Variants in MEGF6 observed in about 807,000 individuals in gnomAD.
MEGF6 encodes multiple EGF like domains 6.
In MEGF6, 184 loss-of-function variants were observed where a neutral mutation model predicts 207.1. That is an observed-to-expected ratio of 0.89 (90% CI 0.79 to 1.00). MEGF6 has a LOEUF of 1.00. Among genes scored for constraint, MEGF6 ranks in the 50% least tolerant of loss-of-function variants. The pLI, the probability that MEGF6 is intolerant of heterozygous loss-of-function variation, is 0.00. For synonymous variants in MEGF6, 1,038 were observed against 910.0 expected (o/e 1.14, Z -2.53); for missense variants, 2,282 against 2,202.9 (o/e 1.04, Z -0.72).
chr1:3,495,980 C>T lies in MEGF6; in HGVS notation c.3781G>A (p.Val1261Met), dbSNP rs1284490578. The change falls in exon 30 of 37, where the codon GTG becomes ATG. Residue 1261 changes from valine (V) to methionine (M), a missense_variant. Coordinates refer to ENST00000356575, the MANE Select transcript of MEGF6 (RefSeq NM_001409.4). The part of the protein sequence containing the change: ...QGRFGPNCTH[V>M]CGCGQGAACD... The stretch of plus-strand genomic sequence containing the variant: ...GCCGCCCCCTGCCCACACCCACACA[C>T]GTGGGTGCAGTTGGGGCCGAAGCGG... 9 of 1,568,538 alleles carry T rather than the reference C, an allele frequency of 5.7e-6. No individual in the cohort carries two copies. The highest frequency in any genetic ancestry group is 2.3e-5 in the South Asian group (2 of 86,708).
chr1:3,568,227 C>T (rs1643402087), intron 4 of MEGF6, among the ~76,000 whole-genome samples: 1 of 152,128 alleles, frequency 6.6e-6, no homozygotes, highest in Non-Finnish European at 1.5e-5. Context: ...GTGAAGTGTG[C>T]AGGACCTGCC....
intron 15 of MEGF6, among the ~76,000 whole-genome samples, 186 bp downstream of exon 15, chr1:3,505,918 ACAGT>A (rs1641096801): frequency 1.3e-5 from 2 of 152,248 alleles, no homozygotes; most frequent in Non-Finnish European, 2.9e-5. Flanking sequence ...GGATGCCAGC[ACAGT>A]CACAGTCGAG....
intron 4 of MEGF6, among the ~76,000 whole-genome samples, chr1:3,550,272 A>G (rs541583250): frequency 1.3e-5 from 2 of 152,314 alleles, no homozygotes; most frequent in South Asian, 2.1e-4. Context: ...AGGGGAGGCC[A>G]CCCGGGTGCC....
Position 3,490,414 on chromosome 1 carries a change from G to A in MEGF6, c.*114C>T. 1 of 1,191,226 alleles carries A rather than the reference G, an allele frequency of 8.4e-7. No individual in the cohort carries two copies. Among genetic ancestry groups the A allele is most frequent in the Non-Finnish European group, 1.2e-6 (1 of 834,550 alleles). The allele number at this position is 1,191,226 out of a possible 1,614,324, so 73.8% of individuals were successfully genotyped here. ...TCCACAGCCCTCCACGGCCCTCAAA[G>A]GAAGGGCAGTACCAGGAGCTCTGGG... On this transcript the variant is annotated 3_prime_UTR_variant, in exon 37 of 37. Transcript: ENST00000356575.
rs1258512036 is a variant in MEGF6 at position 3,494,065 on chromosome 1, C to G, written c.4189G>C (p.Ala1397Pro). Residue 1397 changes from alanine to proline, a missense_variant, in exon 33 of 37, where the codon GCC becomes CCC. Physicochemically the swap from Ala to Pro is conservative, Grantham distance 27. Transcript: ENST00000356575. The part of the protein sequence containing the change: ...CQGLCWCQHG[A>P]PCDPISGRCL... ...CGGCCACTGATGGGGTCGCAGGGGG[C>G]TCCATGTTGACACCAGCACAACCCC... The G allele has an allele frequency of 6.2e-7, 1 of 1,605,006 alleles. No homozygotes were observed. The highest frequency in any genetic ancestry group is 8.5e-7 in the Non-Finnish European group (1 of 1,175,858).
In MEGF6 at chr1:3,573,607, C is replaced by T. The variant is rs1176906965; in HGVS notation, c.481+6218G>A. Among the ~76,000 whole-genome samples, 1 of 152,218 alleles carries T rather than the reference C, an allele frequency of 6.6e-6. No homozygotes were observed. The highest frequency in any genetic ancestry group is 1.5e-5 in the Non-Finnish European group (1 of 68,030). On this transcript the variant is annotated intron_variant, in intron 4 of 36. Coordinates refer to ENST00000356575, the MANE Select transcript of MEGF6 (RefSeq NM_001409.4). This position sits in a 1 kb window ranked among gnomAD's most constrained non-coding sequence, Gnocchi z 5.1. ...GGACCAGAGACAGCCCCAGCTCCAGCTCCAGCCAGGGAGTGCACAACATGG... is the reference window on the plus strand; with the variant it reads ...GGACCAGAGACAGCCCCAGCTCCAGTTCCAGCCAGGGAGTGCACAACATGG...
rs1640767980 is a variant in MEGF6, at chr1:3,499,670, G to C, written c.2883C>G (p.Asn961Lys). 1 of 1,599,802 alleles carries C rather than the reference G, an allele frequency of 6.3e-7. No homozygotes were observed. The highest frequency in any genetic ancestry group is 8.5e-7 in the Non-Finnish European group (1 of 1,174,324). The change falls in exon 23 of 37, where the codon AAC becomes AAG. Residue 961 changes from asparagine (N) to lysine (K), a missense_variant. Physicochemically the swap from Asn to Lys is moderately conservative, Grantham distance 94. Transcript: ENST00000356575. ...CATCACAGGCAGCTCCGGCGGTGCAGTTGCAGGCACTGCGACAGTCCAATC... is the reference window on the plus strand; with the variant it reads ...CATCACAGGCAGCTCCGGCGGTGCACTTGCAGGCACTGCGACAGTCCAATC... ...FFGLDCRSACNCTAGAACDAV... is the reference protein window; with the variant it reads ...FFGLDCRSACKCTAGAACDAV...
chr1:3,524,722 C>T (rs1641895861), intron 4 of MEGF6, among the ~76,000 whole-genome samples: 1 of 152,202 alleles, frequency 6.6e-6, no homozygotes, highest in African/African-American at 2.4e-5. Context: ...AGAGTGTCCC[C>T]GCAGTTCATG....
chr1:3,498,273 G>A (rs1260976492), intron 26 of MEGF6, 98 bp downstream of exon 26: 2 of 1,410,050 alleles, frequency 1.4e-6, no homozygotes, highest in Non-Finnish European at 1.9e-6. Context: ...CCCCTGGTGA[G>A]GCCCCAAACC....
chr1:3,546,401 C>T (rs1290905214), intron 4 of MEGF6, among the ~76,000 whole-genome samples: 8 of 152,232 alleles, frequency 5.3e-5, no homozygotes, highest in Non-Finnish European at 1.0e-4. Context: ...AGGTGCCTCC[C>T]ACCAACACCA....
At chr1:3,558,304 G>A (rs77524887) in intron 4 of MEGF6, among the ~76,000 whole-genome samples, 2,463 of 152,276 alleles carry the variant, frequency 0.016, 70 homozygotes, top group African/African-American at 0.055. Flanking sequence ...AAATGTACAT[G>A]TGACTGTGTC....
At position 3,537,471 on chromosome 1, in the gene MEGF6, C is replaced by A. The variant is rs368166178; in HGVS notation, c.482-13225G>T. Among the ~76,000 whole-genome samples the A allele has an allele frequency of 2.8e-3, 432 of 152,356 alleles. 5 individuals carry two copies. The highest frequency in any genetic ancestry group is 9.9e-3 in the African/African-American group (411 of 41,582). On this transcript the variant is annotated intron_variant, in intron 4 of 36. Coordinates refer to ENST00000356575, the MANE Select transcript of MEGF6 (RefSeq NM_001409.4). Reference sequence around the variant, plus strand: ...CCAGGTGGAGCGGCGATCACCACCGCCCACAACTACCTGTGTGTGCTCTGT... The same window carrying A: ...CCAGGTGGAGCGGCGATCACCACCGACCACAACTACCTGTGTGTGCTCTGT...
In MEGF6 at chr1:3,492,714, C is replaced by A. The variant is rs1462609463; in HGVS notation, c.4441G>T (p.Gly1481Cys). Residue 1481 changes from glycine (G) to cysteine (C), a missense_variant, in exon 35 of 37, where the codon GGT (glycine) becomes TGT (cysteine). Physicochemically the swap from Gly to Cys is radical, Grantham distance 159. Transcript: ENST00000356575. ...PSCTLHCDCGGGADCDPVSGQ... is the reference protein window; with the variant it reads ...PSCTLHCDCGCGADCDPVSGQ... ...CTGACAGGGTCGCAGTCAGCCCCACCCCCGCAGTCACAGTGCAGGGTGCAG... is the reference window on the plus strand; with the variant it reads ...CTGACAGGGTCGCAGTCAGCCCCACACCCGCAGTCACAGTGCAGGGTGCAG... 2 of 1,612,660 alleles carry A rather than the reference C, an allele frequency of 1.2e-6. No individual in the cohort carries two copies. Among genetic ancestry groups the A allele is most frequent in the Admixed American group, 3.3e-5 (2 of 60,004 alleles).
chr1:3,561,639 C>T (rs1643205093), intron 4 of MEGF6, among the ~76,000 whole-genome samples: 1 of 152,174 alleles, frequency 6.6e-6, no homozygotes, highest in Admixed American at 6.5e-5. Flanking sequence ...CGGCTGATGA[C>T]AAAGACCGTT....
At position 3,488,058 on chromosome 1, in the gene MEGF6, G is replaced by C. The variant is rs575927990; in HGVS notation, c.*2470C>G. ...ATGGGATGTCTAGTGATCAAATCAG[G>C]GTAATGAGCATATCATCATCTCAAG... On this transcript the variant is annotated 3_prime_UTR_variant, in exon 37 of 37. Coordinates refer to ENST00000356575, the MANE Select transcript of MEGF6 (RefSeq NM_001409.4). 6.6e-6 allele frequency among the ~76,000 whole-genome samples: 1 copy of C among 152,220 alleles called. No homozygotes were observed. The highest frequency in any genetic ancestry group is 1.9e-4 in the East Asian group (1 of 5,182).
In MEGF6 at chr1:3,561,131, C is replaced by T. The variant is rs76817982; in HGVS notation, c.481+18694G>A. Among the ~76,000 whole-genome samples, 360 of 152,268 alleles carry T rather than the reference C, an allele frequency of 2.4e-3. 10 individuals carry two copies. In the East Asian group the frequency reaches 0.06, roughly 25 times the overall value. ...ACGGCCTTTCCAAGGGGAGGCGGCA[C>T]GGCAGGTCGGGTGGAGGCTGCACGC... On this transcript the variant is annotated intron_variant, in intron 4 of 36. Coordinates refer to ENST00000356575, the MANE Select transcript of MEGF6 (RefSeq NM_001409.4).
chr1:3,562,254 CTT>C (rs573615754), intron 4 of MEGF6, among the ~76,000 whole-genome samples: 2 of 152,296 alleles, frequency 1.3e-5, no homozygotes, highest in African/African-American at 4.8e-5. Flanking sequence ...CTCTATGTCT[CTT>C]TGTCTCTGTC....
chr1:3,535,721 G>A (rs939957671), intron 4 of MEGF6, among the ~76,000 whole-genome samples: 2 of 152,218 alleles, frequency 1.3e-5, no homozygotes, highest in Non-Finnish European at 2.9e-5. Context: ...CATTCTCCTG[G>A]GGTTTCGCTA....
chr1:3,528,286 G>A (rs534672840), intron 4 of MEGF6, among the ~76,000 whole-genome samples: 2 of 152,294 alleles, frequency 1.3e-5, no homozygotes, highest in African/African-American at 2.4e-5. Flanking sequence ...GTAGGAACGC[G>A]TCACCCAAAC....
Sources: allele counts gnomAD v4.1 joint callset (sites outside exome capture counted in the v4.1 genomes callset), GRCh38; gene constraint gnomAD v4.1.1; non-coding constraint Gnocchi (gnomAD v3.1); transcripts MANE v1.5; gene names NCBI Gene and HGNC (gene_info 2026-07-23, HGNC 2026-07-21).